FBXL13: variants seen among roughly 807,000 people sequenced by gnomAD.
The protein encoded by FBXL13 is F-box and leucine rich repeat protein 13.
In FBXL13, 67 loss-of-function variants were observed where a neutral mutation model predicts 83.6. The ratio of observed to expected loss-of-function variants is 0.80; its 90% CI spans 0.66 to 0.98. FBXL13 has a LOEUF of 0.98. Ranked by LOEUF, FBXL13 falls within the 50% of genes least tolerant of loss-of-function variation. The probability of loss-of-function intolerance (pLI) is 0.00; values close to 1 mark genes in which losing one functional copy is unlikely to be tolerated. For synonymous variants in FBXL13, 272 were observed against 299.5 expected, an observed-to-expected ratio of 0.91 and a Z score of 0.95; for missense variants, 822 against 866.5, an observed-to-expected ratio of 0.95 and a Z score of 0.64.
At position 103,000,970 on chromosome 7, in the gene FBXL13, G is replaced by A. The variant is rs373771224; in HGVS notation, c.495+24093C>T. Among the ~76,000 whole-genome samples, 8 of 152,056 alleles carry A rather than the reference G, an allele frequency of 5.3e-5. No individual in the cohort carries two copies. In the South Asian group the frequency reaches 8.3e-4, roughly 16 times the overall value. ...TGTCGTTGCTGTTGTTTTTGGACAGGGTCTCACTCTGTTACCCAGGCTGGA... is the reference window on the plus strand; with the variant it reads ...TGTCGTTGCTGTTGTTTTTGGACAGAGTCTCACTCTGTTACCCAGGCTGGA... On this transcript the variant is annotated intron_variant, in intron 6 of 19. Coordinates refer to ENST00000313221, the Ensembl canonical transcript of FBXL13.
intron 9 of FBXL13, 53 bp downstream of exon 10, chr7:102,931,828 A>G (rs971677101): frequency 1.9e-6 from 3 of 1,541,576 alleles, no homozygotes; most frequent in Non-Finnish European, 2.7e-6. Flanking sequence ...TGGCACCCCA[A>G]TGTAGCAAGT....
In FBXL13 at chr7:102,878,327, A is replaced by T. The variant is rs1488059741; in HGVS notation, c.1508+4T>A. On this transcript the variant is annotated splice_donor_region_variant and intron_variant, in intron 15 of 19. Transcript: ENST00000313221. ...ATATGATGTAAAAGACTGTTTTATC[A>T]TACCGCTCAGATAGTTTCATAACAG... 1.3e-6 allele frequency: 2 copies of T among 1,596,492 alleles called. No homozygotes were observed. Among genetic ancestry groups the T allele is most frequent in the Non-Finnish European group, 1.7e-6 (2 of 1,172,404 alleles).
At chr7:102,968,208 TGC>T in intron 6 of FBXL13, 91 bp from the exon 8 acceptor site, 5 of 765,104 alleles carry the variant, frequency 6.5e-6, no homozygotes, top group South Asian at 1.5e-5. Flanking sequence ...TGCACACATG[TGC>T]GTGCACACAC....
At chr7:102,977,192 C>T (rs552392486) in intron 6 of FBXL13, among the ~76,000 whole-genome samples, 17 of 152,116 alleles carry the variant, frequency 1.1e-4, no homozygotes, top group African/African-American at 4.1e-4. Flanking sequence ...ATGGGGTTAT[C>T]GCACTCCCAT....
intron 10 of FBXL13, among the ~76,000 whole-genome samples, chr7:102,923,647 C>T (rs1817520526): frequency 6.6e-6 from 1 of 151,268 alleles, no homozygotes; most frequent in South Asian, 2.1e-4. Flanking sequence ...ATGGTGAAAC[C>T]CCATCTCTAC....
chr7:102,851,150 T>G (rs1328851084), intron 17 of FBXL13, among the ~76,000 whole-genome samples: 1 of 152,144 alleles, frequency 6.6e-6, no homozygotes, highest in Non-Finnish European at 1.5e-5. Context: ...ACCTTAACAT[T>G]AGGGAGTTGC....
chr7:102,838,504 G>A (rs901887830), intron 17 of FBXL13, among the ~76,000 whole-genome samples: 2 of 151,906 alleles, frequency 1.3e-5, no homozygotes, highest in Non-Finnish European at 2.9e-5. Flanking sequence ...AGGCTGGAGT[G>A]CAGTGGTGTA....
chr7:102,919,425 TAAG>T (rs2129470101), intron 10 of FBXL13, among the ~76,000 whole-genome samples: 1 of 152,300 alleles, frequency 6.6e-6, no homozygotes, highest in South Asian at 2.1e-4. Context: ...ATTGAAGCAT[TAAG>T]AATAAAAATG....
At chr7:103,020,083 C>T (rs891253593) in intron 6 of FBXL13, among the ~76,000 whole-genome samples, 1 of 152,176 alleles carries the variant, frequency 6.6e-6, no homozygotes, top group African/African-American at 2.4e-5. Context: ...CAATAAAATA[C>T]TGGCAAACCG....
At chr7:103,054,153 G>A (rs138765154) in intron 2 of FBXL13, among the ~76,000 whole-genome samples, 134 of 51,220 alleles carry the variant, frequency 2.6e-3, no homozygotes, top group African/African-American at 4.8e-3. Flanking sequence ...CTGAGGCTGA[G>A]GCAGGTGGAT....
chr7:102,978,788 T>C (rs1391774393), intron 6 of FBXL13: 1 of 152,914 alleles, frequency 6.5e-6, no homozygotes. Context: ...GGTGACTACA[T>C]AATAATTAAA....
intron 11 of FBXL13, among the ~76,000 whole-genome samples, chr7:102,906,984 G>T (rs1012280088): frequency 4.0e-5 from 6 of 151,236 alleles, no homozygotes; most frequent in Non-Finnish European, 7.4e-5. Flanking sequence ...GTTTTTTTTG[G>T]TTTTTTGAGA....
chr7:103,026,854 A>G (rs887161677), intron 5 of FBXL13, among the ~76,000 whole-genome samples: 4 of 152,196 alleles, frequency 2.6e-5, no homozygotes, highest in African/African-American at 9.7e-5. Context: ...TATTAATAAA[A>G]TATCTCCTAC....
chr7:102,908,527 G>T (rs1180774289), intron 11 of FBXL13, among the ~76,000 whole-genome samples: 2 of 152,134 alleles, frequency 1.3e-5, no homozygotes, highest in Non-Finnish European at 2.9e-5. Context: ...TCACTGCCTG[G>T]GCTTATTTGT....
At chr7:103,044,613 T>C (rs1189126401) in intron 2 of FBXL13, among the ~76,000 whole-genome samples, 2 of 152,230 alleles carry the variant, frequency 1.3e-5, no homozygotes, top group African/African-American at 4.8e-5. Context: ...ATGCTGATTA[T>C]TGTTCAAGTT....
intron 6 of FBXL13, among the ~76,000 whole-genome samples, chr7:102,979,536 G>T (rs747722727): frequency 6.6e-6 from 1 of 152,092 alleles, no homozygotes; most frequent in African/African-American, 2.4e-5. Flanking sequence ...TGTAGGGGGT[G>T]GGGTAATGTT....
Position 103,073,017 on chromosome 7 carries a change from C to T in FBXL13, c.-105+1229G>A, listed in dbSNP as rs761858933. 2.5e-4 allele frequency among the ~76,000 whole-genome samples: 38 copies of T among 152,340 alleles called. 1 individual carries two copies. Among genetic ancestry groups the T allele is most frequent in the Admixed American group, 1.4e-3 (22 of 15,308 alleles). On this transcript the variant is annotated intron_variant, in intron 1 of 19. Transcript: ENST00000313221. ...CACAACCGGGAAGATGGGTACCATT[C>T]TCCCTACATATTTTCAAGCACAATT...
chr7:102,997,669 T>C (rs1446946984), intron 6 of FBXL13, among the ~76,000 whole-genome samples: 1 of 152,206 alleles, frequency 6.6e-6, no homozygotes, highest in Admixed American at 6.5e-5. Flanking sequence ...GAACATGTGA[T>C]ATTTGTCTTT....
In FBXL13 at chr7:102,965,804, C is replaced by A. The variant is rs903806245; in HGVS notation, c.592-2139G>T. 5.3e-5 allele frequency among the ~76,000 whole-genome samples: 8 copies of A among 152,130 alleles called. No homozygotes were observed. In the East Asian group the frequency reaches 1.5e-3, roughly 29 times the overall value. ...TGTAAGATACTTTAATATCAACAAA[C>A]GTGGTCATTTATGCCATCAACCAAT... On this transcript the variant is annotated intron_variant, in intron 7 of 19. Coordinates refer to ENST00000313221, the Ensembl canonical transcript of FBXL13.
Sources: allele counts gnomAD v4.1 joint callset (sites outside exome capture counted in the v4.1 genomes callset), GRCh38; gene constraint gnomAD v4.1.1; transcripts MANE v1.5; gene names NCBI Gene and HGNC (gene_info 2026-07-23, HGNC 2026-07-21).